TAMM41: variants seen among roughly 807,000 people sequenced by gnomAD.
TAMM41 encodes phosphatidate cytidylyltransferase, mitochondrial.
In TAMM41, 36 loss-of-function variants were observed where a neutral mutation model predicts 44.1. The ratio of observed to expected loss-of-function variants is 0.82; its 90% confidence interval spans 0.63 to 1.08. The LOEUF is 1.08. TAMM41 is among the 50% of genes least tolerant of loss of function. The pLI is 0.00. For synonymous variants in TAMM41, 164 were observed against 153.1 expected, an observed-to-expected ratio of 1.07 and a Z score of -0.53; for missense variants, 417 against 404.3, an observed-to-expected ratio of 1.03 and a Z score of -0.27.
At chr3:11,751,042 T>A in the TAMM41 span, among the ~76,000 whole-genome samples, 1 of 150,570 alleles carries the variant, frequency 6.6e-6, no homozygotes, top group Admixed American at 6.6e-5. Flanking sequence ...CATCCCACAA[T>A]GCCCGGAGGA....
the TAMM41 span, among the ~76,000 whole-genome samples, chr3:11,728,279 T>G: frequency 6.6e-6 from 1 of 152,236 alleles, no homozygotes; most frequent in African/African-American, 2.4e-5. Flanking sequence ...AAGACACTGC[T>G]TTCCGCACTG....
chr3:11,736,605 A>G, the TAMM41 span, among the ~76,000 whole-genome samples: 1 of 152,186 alleles, frequency 6.6e-6, no homozygotes, highest in African/African-American at 2.4e-5. Context: ...TGGGTCTTTT[A>G]TCGCTGCTCT....
the TAMM41 span, among the ~76,000 whole-genome samples, chr3:11,729,034 T>G: frequency 7.5e-6 from 1 of 134,092 alleles, no homozygotes; most frequent in Non-Finnish European, 1.7e-5. Context: ...TACAAAAACT[T>G]GCCAGGGAGT....
At chr3:11,742,068 G>A in the TAMM41 span, among the ~76,000 whole-genome samples, 22 of 150,234 alleles carry the variant, frequency 1.5e-4, 1 homozygote, top group South Asian at 2.1e-3. Flanking sequence ...GGGGTCTACC[G>A]TATGCATTTT....
chr3:11,819,788 AC>A (rs1272498957), intron 4 of TAMM41, among the ~76,000 whole-genome samples: 2 of 152,126 alleles, frequency 1.3e-5, no homozygotes, highest in Non-Finnish European at 2.9e-5. Context: ...AATGAGAAAA[AC>A]AAGACAAAGA....
At position 11,844,093 on chromosome 3, in the gene TAMM41, G is replaced by A. The variant is rs371600066; in HGVS notation, c.254C>T (p.Thr85Met). 66 of 1,614,074 alleles carry A rather than the reference G, an allele frequency of 4.1e-5. No homozygotes were observed. The highest frequency in any genetic ancestry group is 5.2e-5 in the Non-Finnish European group (61 of 1,180,030). Residue 85 changes from threonine (T) to methionine (M), a missense_variant, in exon 2 of 8, where the codon ACG becomes ATG. By Grantham distance (81) the Thr-to-Met change is moderately conservative (BLOSUM62 -1). Coordinates refer to ENST00000455809, the MANE Select transcript of TAMM41 (RefSeq NM_001284401.2). Reference sequence around the variant, plus strand: ...AGCGCCATAGTTATTCTGGATGGACGTGATAATCTTGGGCCCTAAAACTTT... The same window carrying A: ...AGCGCCATAGTTATTCTGGATGGACATGATAATCTTGGGCCCTAAAACTTT... ...FLKVLGPKII[T>M]SIQNNYGAGV...
chr3:11,723,596 C>G, the TAMM41 span, among the ~76,000 whole-genome samples: 1 of 138,050 alleles, frequency 7.2e-6, no homozygotes, highest in Non-Finnish European at 1.6e-5. Flanking sequence ...AAAAAAAAAA[C>G]AAAAACAAAA....
chr3:11,728,650 T>C, the TAMM41 span, among the ~76,000 whole-genome samples: 1 of 152,184 alleles, frequency 6.6e-6, no homozygotes, highest in African/African-American at 2.4e-5. Flanking sequence ...CATGCCCCTC[T>C]GGCGATTAGT....
chr3:11,740,340 T>C, the TAMM41 span, among the ~76,000 whole-genome samples: 1 of 152,134 alleles, frequency 6.6e-6, no homozygotes, highest in Non-Finnish European at 1.5e-5. Context: ...TGCAGATTCA[T>C]AGGTGTTTAT....
At chr3:11,760,780 C>G in the TAMM41 span, among the ~76,000 whole-genome samples, 1 of 151,972 alleles carries the variant, frequency 6.6e-6, no homozygotes, top group Non-Finnish European at 1.5e-5. Flanking sequence ...AGGCTGGTCT[C>G]AAACTCCTGG....
At chr3:11,838,286 C>T (rs1302488735) in intron 3 of TAMM41, among the ~76,000 whole-genome samples, 6 of 151,512 alleles carry the variant, frequency 4.0e-5, no homozygotes, top group African/African-American at 1.2e-4. Context: ...GTGATCTCGG[C>T]TCATTGCAAT....
At chr3:11,738,553 G>A in the TAMM41 span, among the ~76,000 whole-genome samples, 1 of 152,112 alleles carries the variant, frequency 6.6e-6, no homozygotes, top group Non-Finnish European at 1.5e-5. Flanking sequence ...CTAAGCCCTG[G>A]CCCTTAGGAG....
At chr3:11,751,547 G>A in the TAMM41 span, among the ~76,000 whole-genome samples, 1 of 152,172 alleles carries the variant, frequency 6.6e-6, no homozygotes, top group Non-Finnish European at 1.5e-5. Flanking sequence ...GAACCTCATG[G>A]TTGAGAATGA....
chr3:11,840,294 G>A (rs377018037), intron 2 of TAMM41, among the ~76,000 whole-genome samples: 27 of 150,866 alleles, frequency 1.8e-4, no homozygotes, highest in Admixed American at 5.3e-4. Context: ...GTGCACTGGC[G>A]CAATCTCAGC....
chr3:11,793,595 C>G (rs1002662809), intron 7 of TAMM41, among the ~76,000 whole-genome samples: 4 of 152,182 alleles, frequency 2.6e-5, no homozygotes, highest in Non-Finnish European at 5.9e-5. Context: ...CCCAAGTATC[C>G]ATCAATAGTA....
chr3:11,790,570 A>C lies in TAMM41; in HGVS notation c.949T>G (p.Ser317Ala). ...KGIFTAGLKK[S>A]VIYSSLKLHK... ...AGTTTTAGTGAACTATAAATCACTG[A>C]CTTCTTCAGGCCTAAAAGAGAAAAG... The change falls in exon 8 of 8, where the codon TCA (serine) becomes GCA (alanine). Residue 317 changes from serine to alanine, a missense_variant. Physicochemically the swap from Ser to Ala is moderately conservative, Grantham distance 99 (BLOSUM62 1). Coordinates refer to ENST00000455809, the MANE Select transcript of TAMM41 (RefSeq NM_001284401.2). 4 of 1,613,874 alleles carry C rather than the reference A, an allele frequency of 2.5e-6. No individual in the cohort carries two copies. The highest frequency in any genetic ancestry group is 3.4e-6 in the Non-Finnish European group (4 of 1,179,844).
the TAMM41 span, among the ~76,000 whole-genome samples, chr3:11,765,886 G>T: frequency 6.6e-6 from 1 of 152,144 alleles, no homozygotes; most frequent in Admixed American, 6.5e-5. Context: ...ATTTTTAGTA[G>T]AGACTGGGTT....
At chr3:11,768,814 G>A in the TAMM41 span, among the ~76,000 whole-genome samples, 793 of 152,258 alleles carry the variant, frequency 5.2e-3, 4 homozygotes, top group Non-Finnish European at 7.1e-3. Context: ...ATGTCATTGC[G>A]GTCGCAGATG....
chr3:11,805,300 C>G (rs190173655), intron 7 of TAMM41, among the ~76,000 whole-genome samples: 1 of 152,046 alleles, frequency 6.6e-6, no homozygotes, highest in African/African-American at 2.4e-5. Flanking sequence ...CCACATCCAG[C>G]CTATTTTTTC....
Sources: gnomAD v4.1 joint callset for allele counts (sites outside exome capture counted in the v4.1 genomes callset) on GRCh38, gnomAD v4.1.1 for gene constraint, MANE v1.5 for transcripts, NCBI Gene and HGNC (gene_info 2026-07-23, HGNC 2026-07-21) for gene names.